The following LDB3 variants were observed in gnomAD, a reference collection of about 807,000 sequenced individuals.
LDB3 encodes LIM domain-binding protein 3.
A neutral mutation model predicts 69.0 loss-of-function variants in LDB3; 49 were observed. The observed-to-expected ratio is 0.71, with a 90% CI of 0.56 to 0.90. The LOEUF (loss-of-function observed/expected upper bound fraction) is 0.90. Ranked by LOEUF, LDB3 falls within the 40% of genes least tolerant of loss-of-function variation. The pLI is 0.00. For missense variants in LDB3, 928 were observed against 974.1 expected, an observed-to-expected ratio of 0.95 and a Z score of 0.63; for synonymous variants, 387 against 396.2, an observed-to-expected ratio of 0.98 and a Z score of 0.28.
chr10:86,692,480 G>A (rs1023001564), intron 6 of LDB3, 55 bp from the exon 7 acceptor site: 6 of 1,577,668 alleles, frequency 3.8e-6, no homozygotes, highest in African/African-American at 2.7e-5. Context: ...AGCCCCAGCA[G>A]CTTTCCTTGC....
In LDB3 at chr10:86,735,887, T is replaced by C. The variant is rs1167593001; in HGVS notation, c.*2911T>C. The C allele has an allele frequency of 6.6e-6, 1 of 152,092 alleles. No homozygotes were observed. Among genetic ancestry groups the C allele is most frequent in the Non-Finnish European group, 1.5e-5 (1 of 68,000 alleles). 9.4% of individuals were successfully genotyped at this position (152,092 alleles called of 1,614,324 possible). A position where few individuals can be genotyped will look rare whatever the true frequency, so the allele number is the denominator to read the frequency against. Reference sequence around the variant, plus strand: ...TGTGTTAGGAACCTAGCTTTTATAATGTGTTAACTTTTTAACTCAGTATTC... The same window carrying C: ...TGTGTTAGGAACCTAGCTTTTATAACGTGTTAACTTTTTAACTCAGTATTC... On this transcript the variant is annotated 3_prime_UTR_variant, in exon 14 of 14. Coordinates refer to ENST00000361373, the MANE Select transcript of LDB3 (RefSeq NM_007078.3).
In LDB3 at chr10:86,668,657, CT is replaced by C. The variant is rs1844283858; in HGVS notation, c.-23-9del. The C allele has an allele frequency of 1.3e-6, 2 of 1,555,760 alleles. No homozygotes were observed. The highest frequency in any genetic ancestry group is 1.8e-6 in the Non-Finnish European group (2 of 1,127,776). ...GCCCTCTCACTCAACCCTCTCTACC[CT>C]TTGTCTGCAGAGGCGGCCGCTGACA... On this transcript the variant is annotated splice_polypyrimidine_tract_variant and intron_variant, in intron 1 of 13. Coordinates refer to ENST00000361373, the MANE Select transcript of LDB3 (RefSeq NM_007078.3).
chr10:86,727,472 C>T (rs1007197871), intron 13 of LDB3, among the ~76,000 whole-genome samples: 4 of 152,214 alleles, frequency 2.6e-5, no homozygotes, highest in Non-Finnish European at 5.9e-5. Context: ...ATAAAGTTTA[C>T]GGCCATATAC....
At chr10:86,709,842 C>T (rs1846571903) in intron 8 of LDB3, 63 bp from the exon 9 acceptor site, 4 of 1,582,142 alleles carry the variant, frequency 2.5e-6, no homozygotes, top group Middle Eastern at 2.2e-4. Flanking sequence ...GCCAGCCTGC[C>T]TTGACTGCAG....
intron 7 of LDB3, among the ~76,000 whole-genome samples, chr10:86,693,900 A>C (rs1200457707): frequency 6.6e-6 from 1 of 152,128 alleles, no homozygotes; most frequent in East Asian, 1.9e-4. Flanking sequence ...AAAGTCTTTA[A>C]ATCACACACC....
intron 9 of LDB3, among the ~76,000 whole-genome samples, chr10:86,712,831 C>G (rs1328769767): frequency 1.3e-5 from 2 of 152,164 alleles, no homozygotes; most frequent in African/African-American, 4.8e-5. Context: ...GAGGCCGAGG[C>G]GGGCGGATCA....
chr10:86,668,569 A>T lies in LDB3; in HGVS notation c.-25A>T. On this transcript the variant is annotated splice_region_variant and 5_prime_UTR_variant, in exon 1 of 14. Transcript: ENST00000361373. ...CCGGCTGGGCAGCAAGGGACAGAACAGGCAAGGCTGGGGGTCAGGGGCAGG... is the reference window on the plus strand; with the variant it reads ...CCGGCTGGGCAGCAAGGGACAGAACTGGCAAGGCTGGGGGTCAGGGGCAGG... 1 of 806,866 alleles carries T rather than the reference A, an allele frequency of 1.2e-6. No homozygotes were observed. Among genetic ancestry groups the T allele is most frequent in the Non-Finnish European group, 2.2e-6 (1 of 459,008 alleles). 50.0% of individuals were successfully genotyped at this position (806,866 alleles called of 1,614,324 possible).
intron 2 of LDB3, among the ~76,000 whole-genome samples, chr10:86,669,036 TCAGGCAGGCAGG>T (rs71016147): frequency 1.3e-5 from 2 of 150,804 alleles, no homozygotes; most frequent in African/African-American, 4.9e-5. Flanking sequence ...TGCTGAGTTT[TCAGGCAGGCAGG>T]CAGGCAGGCA....
intron 9 of LDB3, 43 bp from the exon 10 acceptor site, chr10:86,716,284 A>G: frequency 6.2e-7 from 1 of 1,606,642 alleles, no homozygotes; most frequent in Non-Finnish European, 8.5e-7. Flanking sequence ...GGAAGAATGA[A>G]TTCCTGACAC....
chr10:86,690,038 G>A (rs1845684883), intron 5 of LDB3, among the ~76,000 whole-genome samples: 1 of 152,174 alleles, frequency 6.6e-6, no homozygotes, highest in Non-Finnish European at 1.5e-5. Flanking sequence ...ACGGGGTTGT[G>A]GGAAATGAAG....
intron 4 of LDB3, among the ~76,000 whole-genome samples, chr10:86,680,514 G>A (rs990049528): frequency 1.2e-4 from 19 of 152,224 alleles, no homozygotes; most frequent in African/African-American, 4.6e-4. Flanking sequence ...ACCTTCATTT[G>A]CCAAGGGGGC....
intron 13 of LDB3, among the ~76,000 whole-genome samples, chr10:86,729,616 G>A (rs889435525): frequency 6.6e-6 from 1 of 152,172 alleles, no homozygotes; most frequent in African/African-American, 2.4e-5. Context: ...GAGCCTGGGG[G>A]TTGGACCATC....
rs752452361 is a variant in LDB3 at position 86,668,742 on chromosome 10, G to A, written c.51G>A (p.Leu17=). The change falls in exon 2 of 14, where the codon CTG becomes CTA. Residue 17 remains leucine, a synonymous_variant. Coordinates refer to ENST00000361373, the MANE Select transcript of LDB3 (RefSeq NM_007078.3). ...LTGPGPWGFR[L]QGGKDFNMPL... is the part of the protein sequence containing the mutation. ...GGCCCGGGCCCTGGGGCTTCCGTCTGCAGGGGGGCAAGGACTTCAACATGC... is the reference window on the plus strand; with the variant it reads ...GGCCCGGGCCCTGGGGCTTCCGTCTACAGGGGGGCAAGGACTTCAACATGC... 6 of 1,613,234 alleles carry A rather than the reference G, an allele frequency of 3.7e-6. No individual in the cohort carries two copies. In the Admixed American group the frequency reaches 6.7e-5, roughly 18 times the overall value.
intron 5 of LDB3, among the ~76,000 whole-genome samples, chr10:86,689,249 C>T (rs1344265097): frequency 6.6e-6 from 1 of 152,114 alleles, no homozygotes; most frequent in Non-Finnish European, 1.5e-5. Context: ...GGGTTTTCCT[C>T]TGCTTGGCAG....
At chr10:86,720,644 G>C (rs1001746759) in intron 12 of LDB3, among the ~76,000 whole-genome samples, 1 of 152,158 alleles carries the variant, frequency 6.6e-6, no homozygotes, top group East Asian at 1.9e-4. Flanking sequence ...TAAAGAAAGA[G>C]CTGTTATGCT....
chr10:86,700,943 TC>T (rs1315939576), intron 7 of LDB3, among the ~76,000 whole-genome samples: 3 of 152,218 alleles, frequency 2.0e-5, no homozygotes, highest in Non-Finnish European at 4.4e-5. Context: ...TCCTGCCTTT[TC>T]TGTGGCTGGG....
chr10:86,668,690 G>A lies in LDB3; in HGVS notation c.-2G>A, dbSNP rs1281121249. The stretch of plus-strand genomic sequence containing the variant: ...GCAGAGGCGGCCGCTGACAGCACCA[G>A]CATGTCTTACAGTGTGACCCTGACT... On this transcript the variant is annotated 5_prime_UTR_variant, in exon 2 of 14. Coordinates refer to ENST00000361373, the MANE Select transcript of LDB3 (RefSeq NM_007078.3). 11 of 1,612,960 alleles carry A rather than the reference G, an allele frequency of 6.8e-6. 1 individual carries two copies. The African/African-American group carries it at 8.0e-5, about 12-fold the overall frequency.
chr10:86,716,411 C>A lies in LDB3; in HGVS notation c.1316C>A (p.Pro439His). 6.5e-7 allele frequency: 1 copy of A among 1,547,802 alleles called. No individual in the cohort carries two copies. Among genetic ancestry groups the A allele is most frequent in the East Asian group, 2.4e-5 (1 of 42,526 alleles). ...YTPSPAPAYT[P>H]SPAPAYTPSP... Reference sequence around the variant, plus strand: ...CCCTCCCCTGCCCCTGCCTACACCCCCTCCCCTGCCCCTGCCTACACCCCC... The same window carrying A: ...CCCTCCCCTGCCCCTGCCTACACCCACTCCCCTGCCCCTGCCTACACCCCC... The change falls in exon 10 of 14, where the codon CCC becomes CAC. Residue 439 changes from proline to histidine, a missense_variant. Pro to His is a moderately conservative substitution (Grantham distance 77). Coordinates refer to ENST00000361373, the MANE Select transcript of LDB3 (RefSeq NM_007078.3).
chr10:86,735,282 A>C lies in LDB3; in HGVS notation c.*2306A>C, dbSNP rs565279041. The C allele has an allele frequency of 2.0e-5, 3 of 151,658 alleles. No individual in the cohort carries two copies. The East Asian group carries it at 5.8e-4, about 29-fold the overall frequency. 9.4% of individuals were successfully genotyped at this position (151,658 alleles called of 1,614,324 possible). A position where few individuals can be genotyped will look rare whatever the true frequency, so the allele number is the denominator to read the frequency against. On this transcript the variant is annotated 3_prime_UTR_variant, in exon 14 of 14. Transcript: ENST00000361373. ...AAAACAAAAAAACAAAAAAAAAACC[A>C]CTTAAAAGGTAGCAGGAAAAGAAGG...
Sources: gnomAD v4.1 joint callset for allele counts (sites outside exome capture counted in the v4.1 genomes callset) on GRCh38, gnomAD v4.1.1 for gene constraint, MANE v1.5 for transcripts, NCBI Gene and HGNC (gene_info 2026-07-23, HGNC 2026-07-21) for gene names.